CDH12: variants seen among roughly 807,000 people sequenced by gnomAD.
The protein encoded by CDH12 is cadherin 12.
CDH12 carries 41 observed loss-of-function variants against 74.1 expected under a neutral mutation model. That is an observed-to-expected ratio of 0.55 (90% CI 0.43 to 0.72). The LOEUF is 0.72. Ranked by LOEUF, CDH12 falls within the 30% of genes least tolerant of loss-of-function variation. The pLI, the probability that CDH12 is intolerant of heterozygous loss-of-function variation, is 0.00. For missense variants in CDH12, 945 were observed against 977.2 expected (o/e 0.97, Z 0.44); for synonymous variants, 399 against 355.0 (o/e 1.12, Z -1.39).
At chr5:22,380,442 G>A (rs1741711422) in intron 3 of CDH12, among the ~76,000 whole-genome samples, 1 of 151,768 alleles carries the variant, frequency 6.6e-6, no homozygotes, top group South Asian at 2.1e-4. Flanking sequence ...TAACATATGT[G>A]TAATAGGATT....
At chr5:22,452,477 A>C (rs911165174) in intron 2 of CDH12, among the ~76,000 whole-genome samples, 1 of 151,940 alleles carries the variant, frequency 6.6e-6, no homozygotes, top group African/African-American at 2.4e-5. Context: ...GGGACACAAC[A>C]GTCTCTTCAA....
chr5:22,708,940 G>T (rs76127509), intron 1 of CDH12, among the ~76,000 whole-genome samples: 3,071 of 152,254 alleles, frequency 0.02, 111 homozygotes, highest in African/African-American at 0.071. Flanking sequence ...CACTGTTCTT[G>T]ATTCAGAACA....
chr5:22,460,738 T>TTTTTTTTG (rs1745472110), intron 2 of CDH12, among the ~76,000 whole-genome samples: 13 of 147,962 alleles, frequency 8.8e-5, no homozygotes, highest in Middle Eastern at 3.2e-3. Flanking sequence ...TTTTTTTTTT[T>TTTTTTTTG]AGACGATGTC....
chr5:22,642,816 A>G (rs1251249868), intron 1 of CDH12, among the ~76,000 whole-genome samples: 2 of 152,158 alleles, frequency 1.3e-5, no homozygotes, highest in Non-Finnish European at 2.9e-5. Context: ...ATAGATAAAA[A>G]TCTATAGATA....
chr5:22,750,304 G>A (rs1217476626), intron 1 of CDH12, among the ~76,000 whole-genome samples: 1 of 152,096 alleles, frequency 6.6e-6, no homozygotes, highest in Non-Finnish European at 1.5e-5. Context: ...ATATCATGTT[G>A]AGAAAATTGG....
intron 4 of CDH12, among the ~76,000 whole-genome samples, chr5:22,179,481 ATAAAT>A (rs956343779): frequency 2.0e-5 from 3 of 152,206 alleles, no homozygotes; most frequent in East Asian, 1.9e-4. Context: ...AAGTTGGAAG[ATAAAT>A]TAAAAGTTTC....
intron 1 of CDH12, among the ~76,000 whole-genome samples, chr5:22,846,215 C>A (rs1233200310): frequency 6.6e-6 from 1 of 151,956 alleles, no homozygotes. Flanking sequence ...TAAAGAGGGG[C>A]AGAAATGAAA....
intron 1 of CDH12, among the ~76,000 whole-genome samples, chr5:22,614,144 G>A (rs1737564263): frequency 6.6e-6 from 1 of 152,082 alleles, no homozygotes. Context: ...AGACATGGAA[G>A]ATCAGATTTC....
At chr5:21,875,344 T>C (rs1376357162) in intron 6 of CDH12, among the ~76,000 whole-genome samples, 1 of 152,218 alleles carries the variant, frequency 6.6e-6, no homozygotes, top group Admixed American at 6.5e-5. Context: ...TATGCATTAA[T>C]TCATGTGAAA....
At chr5:22,177,253 C>A (rs1394301378) in intron 4 of CDH12, among the ~76,000 whole-genome samples, 1 of 151,876 alleles carries the variant, frequency 6.6e-6, no homozygotes, top group African/African-American at 2.4e-5. Flanking sequence ...CACAAATTTC[C>A]CTACCTATTT....
intron 2 of CDH12, among the ~76,000 whole-genome samples, chr5:22,477,087 T>A (rs969244440): frequency 3.9e-5 from 6 of 152,204 alleles, no homozygotes; most frequent in African/African-American, 1.4e-4. Context: ...CTACTGTTTA[T>A]GTTTTCTTAA....
At chr5:21,955,824 A>G (rs1489245534) in intron 6 of CDH12, among the ~76,000 whole-genome samples, 6 of 152,018 alleles carry the variant, frequency 3.9e-5, no homozygotes, top group Non-Finnish European at 8.8e-5. Flanking sequence ...AGAATTGAAC[A>G]TTTTTTTAAG....
intron 1 of CDH12, among the ~76,000 whole-genome samples, chr5:22,644,489 A>G (rs560976642): frequency 3.9e-5 from 6 of 152,150 alleles, no homozygotes; most frequent in African/African-American, 1.2e-4. Context: ...GGTTGAGAGA[A>G]GTGAGAAGCT....
chr5:22,529,007 A>T (rs1401698790), intron 1 of CDH12, among the ~76,000 whole-genome samples: 1 of 110,022 alleles, frequency 9.1e-6, no homozygotes, highest in Non-Finnish European at 1.9e-5. Context: ...AAACAGAACC[A>T]ATAGAATGTG....
chr5:22,100,873 T>A (rs917133290), intron 4 of CDH12, among the ~76,000 whole-genome samples: 1 of 152,176 alleles, frequency 6.6e-6, no homozygotes, highest in African/African-American at 2.4e-5. Flanking sequence ...ATTTCACTTA[T>A]TAAAATGTTT....
chr5:22,634,304 G>A (rs1359603655), intron 1 of CDH12, among the ~76,000 whole-genome samples: 2 of 151,960 alleles, frequency 1.3e-5, no homozygotes, highest in Non-Finnish European at 2.9e-5. Context: ...ACAGATTTAA[G>A]AAATGATCCT....
intron 1 of CDH12, among the ~76,000 whole-genome samples, chr5:22,838,646 A>AGT (rs1260205552): frequency 1.3e-3 from 146 of 112,790 alleles, no homozygotes; most frequent in African/African-American, 4.5e-3. Flanking sequence ...GGTGTGTGAG[A>AGT]GTGTCTGTGT....
chr5:22,195,691 G>T (rs1335087958), intron 4 of CDH12, among the ~76,000 whole-genome samples: 2 of 152,060 alleles, frequency 1.3e-5, no homozygotes, highest in African/African-American at 2.4e-5. Flanking sequence ...AGAAGCAAAG[G>T]ATTCTCCAAC....
At chr5:21,947,993 G>A (rs1014851537) in intron 6 of CDH12, among the ~76,000 whole-genome samples, 1 of 152,206 alleles carries the variant, frequency 6.6e-6, no homozygotes, top group African/African-American at 2.4e-5. Flanking sequence ...TCCATATGAT[G>A]TTGGGCCTGA....
Sources: allele counts gnomAD v4.1 joint callset (sites outside exome capture counted in the v4.1 genomes callset), GRCh38; gene constraint gnomAD v4.1.1; transcripts MANE v1.5; gene names NCBI Gene and HGNC (gene_info 2026-07-23, HGNC 2026-07-21).